The following PLCZ1 variants were observed in gnomAD, a reference collection of about 807,000 sequenced individuals.
The protein encoded by PLCZ1 is phospholipase C zeta 1.
In PLCZ1, 64 loss-of-function variants were observed where a neutral mutation model predicts 76.8. The observed-to-expected ratio is 0.83, with a 90% CI of 0.68 to 1.03. The LOEUF is 1.03. PLCZ1 is among the 50% of genes least tolerant of loss of function. PLCZ1 has a pLI of 0.00. For synonymous variants in PLCZ1, 248 were observed against 230.8 expected (o/e 1.07, Z -0.68); for missense variants, 751 against 713.7 (o/e 1.05, Z -0.60).
chr12:18,681,000 GC>G (rs1191326773), downstream of PLCZ1, among the ~76,000 whole-genome samples: 3 of 152,012 alleles, frequency 2.0e-5, no homozygotes, highest in Non-Finnish European at 4.4e-5. Flanking sequence ...TAGCATTGTT[GC>G]GTTTGGACGA....
intron 5 of PLCZ1, chr12:18,714,534 G>A (rs1409759730): frequency 6.6e-6 from 1 of 152,218 alleles, no homozygotes; most frequent in African/African-American, 2.4e-5. Context: ...AACTGAATCT[G>A]AGAGCTGACT....
intron 12 of PLCZ1, chr12:18,692,655 GA>G (rs574788844): frequency 1.9e-5 from 12 of 637,168 alleles, no homozygotes; most frequent in Non-Finnish European, 3.0e-5. Context: ...TTATGCAGGA[GA>G]AAAAAATCAT....
At chr12:18,705,391 A>C (rs1956472059) in intron 6 of PLCZ1, 76 bp from the exon 7 acceptor site, 1 of 1,540,766 alleles carries the variant, frequency 6.5e-7, no homozygotes, top group Admixed American at 1.7e-5. Context: ...TAAGTGCTTA[A>C]TGTATTTTAA....
At chr12:18,666,187 T>G in the PLCZ1 span, among the ~76,000 whole-genome samples, 1 of 151,874 alleles carries the variant, frequency 6.6e-6, no homozygotes, top group South Asian at 2.1e-4. Context: ...AATTAATAAT[T>G]AAAAGATATT....
chr12:18,645,816 T>A, the PLCZ1 span, among the ~76,000 whole-genome samples: 1 of 152,194 alleles, frequency 6.6e-6, no homozygotes, highest in African/African-American at 2.4e-5. Context: ...ATATGTTTTT[T>A]AAAAACTTAC....
rs1958576309 is a variant in PLCZ1, at chr12:18,723,517, C to A, written c.161G>T (p.Arg54Ile). Reference sequence around the variant, plus strand: ...TGCTCTAAATTCTTCTATGGTGATTCTTCCTTGTTTCAGCCTGTCATTGTC... The same window carrying A: ...TGCTCTAAATTCTTCTATGGTGATTATTCCTTGTTTCAGCCTGTCATTGTC... ...FKDNDRLKQG[R>I]ITIEEFRAIY... The change falls in exon 4 of 15, where the codon AGA becomes ATA. Residue 54 changes from arginine to isoleucine, a missense_variant. Arg to Ile is a moderately conservative substitution (Grantham distance 97). Transcript: ENST00000266505. 1 of 1,612,418 alleles carries A rather than the reference C, an allele frequency of 6.2e-7. No homozygotes were observed. Among genetic ancestry groups the A allele is most frequent in the South Asian group, 1.1e-5 (1 of 91,040 alleles).
In PLCZ1 at chr12:18,692,451, C is replaced by T. The variant is rs1402369677; in HGVS notation, c.1461+2459G>A. On this transcript the variant is annotated intron_variant, in intron 12 of 14. Transcript: ENST00000266505. Reference sequence around the variant, plus strand: ...TTAGGTTATAGAGGAAAAAGAAAAACGTTTTGAAAAGTCTTTACTAATGGA... The same window carrying T: ...TTAGGTTATAGAGGAAAAAGAAAAATGTTTTGAAAAGTCTTTACTAATGGA... Among the ~76,000 whole-genome samples the T allele has an allele frequency of 2.6e-5, 4 of 152,044 alleles. No homozygotes were observed. The South Asian group carries it at 6.2e-4, about 24-fold the overall frequency.
intron 5 of PLCZ1, among the ~76,000 whole-genome samples, chr12:18,716,708 C>G (rs1203812105): frequency 6.6e-6 from 1 of 152,152 alleles, no homozygotes; most frequent in African/African-American, 2.4e-5. Context: ...AACTTTATTT[C>G]ATCTATTTAT....
chr12:18,691,073 A>C (rs1228295461), intron 12 of PLCZ1, among the ~76,000 whole-genome samples: 1 of 152,194 alleles, frequency 6.6e-6, no homozygotes, highest in African/African-American at 2.4e-5. Context: ...GACAGGTAGT[A>C]AATTCCTGAT....
chr12:18,656,681 G>A, the PLCZ1 span, among the ~76,000 whole-genome samples: 1 of 152,128 alleles, frequency 6.6e-6, no homozygotes, highest in South Asian at 2.1e-4. Flanking sequence ...TTAGCAGTGA[G>A]CTATGATCAT....
chr12:18,683,969 A>G (rs1384229772), intron 14 of PLCZ1, among the ~76,000 whole-genome samples, 161 bp downstream of exon 14: 1 of 151,974 alleles, frequency 6.6e-6, no homozygotes, highest in Non-Finnish European at 1.5e-5. Context: ...ACATGAGAAC[A>G]CATTTTTATA....
At chr12:18,656,262 A>G in the PLCZ1 span, among the ~76,000 whole-genome samples, 4 of 152,038 alleles carry the variant, frequency 2.6e-5, no homozygotes, top group Non-Finnish European at 5.9e-5. Flanking sequence ...GACCCTGTCT[A>G]TACCAAAAAA....
intron 5 of PLCZ1, among the ~76,000 whole-genome samples, chr12:18,717,365 T>C (rs1958105931): frequency 6.6e-6 from 1 of 152,170 alleles, no homozygotes; most frequent in Admixed American, 6.5e-5. Flanking sequence ...TTTACTTAGA[T>C]TTGAAATTAG....
At chr12:18,688,731 G>C (rs538253562) in intron 12 of PLCZ1, among the ~76,000 whole-genome samples, 2 of 152,024 alleles carry the variant, frequency 1.3e-5, no homozygotes, top group South Asian at 4.2e-4. Context: ...AATAATAATT[G>C]TATTTAAACT....
At chr12:18,668,904 T>G in the PLCZ1 span, among the ~76,000 whole-genome samples, 1 of 152,040 alleles carries the variant, frequency 6.6e-6, no homozygotes, top group African/African-American at 2.4e-5. Context: ...CAATTGTAAA[T>G]GTCAGCAAAG....
chr12:18,707,315 T>C (rs955991239), intron 6 of PLCZ1, among the ~76,000 whole-genome samples: 4 of 152,126 alleles, frequency 2.6e-5, no homozygotes, highest in African/African-American at 9.7e-5. Flanking sequence ...CCCAAAAGAA[T>C]AGGTAAAGTT....
chr12:18,701,653 C>G, intron 8 of PLCZ1, 39 bp downstream of exon 8: 2 of 1,607,698 alleles, frequency 1.2e-6, no homozygotes, highest in Non-Finnish European at 1.7e-6. Context: ...TCCTCCTCCT[C>G]TCCATCTGCC....
intron 12 of PLCZ1, chr12:18,693,316 C>T: frequency 6.5e-7 from 1 of 1,545,766 alleles, no homozygotes; most frequent in Non-Finnish European, 8.9e-7. Flanking sequence ...GAAAAGGCCC[C>T]CCAAGAGACC....
At chr12:18,665,089 A>C in the PLCZ1 span, among the ~76,000 whole-genome samples, 3 of 151,808 alleles carry the variant, frequency 2.0e-5, no homozygotes, top group East Asian at 5.8e-4. Flanking sequence ...GCACAACAGC[A>C]TGGCACATGC....
Sources: allele counts gnomAD v4.1 joint callset (sites outside exome capture counted in the v4.1 genomes callset), GRCh38; gene constraint gnomAD v4.1.1; transcripts MANE v1.5; gene names NCBI Gene and HGNC (gene_info 2026-07-23, HGNC 2026-07-21).